Variants in SANBR observed in about 807,000 individuals in gnomAD.
SANBR encodes SANT and BTB domain regulator of CSR, also known as SANT and BTB domain regulator of class switch recombination.
Under a neutral mutation model 101.8 loss-of-function variants are expected in SANBR, and 77 were observed. The ratio of observed to expected loss-of-function variants is 0.76; its 90% CI spans 0.63 to 0.91. The LOEUF (loss-of-function observed/expected upper bound fraction) is 0.91. SANBR is among the 40% of genes least tolerant of loss of function. The probability of loss-of-function intolerance (pLI) is 0.00; values close to 1 mark genes in which losing one functional copy is unlikely to be tolerated. For missense variants in SANBR, 875 were observed against 853.0 expected, an observed-to-expected ratio of 1.03 and a Z score of -0.32; for synonymous variants, 279 against 274.7, an observed-to-expected ratio of 1.02 and a Z score of -0.15.
At chr2:61,111,120 G>A (rs571616046) in intron 16 of SANBR, among the ~76,000 whole-genome samples, 2 of 152,090 alleles carry the variant, frequency 1.3e-5, no homozygotes, top group African/African-American at 2.4e-5. Flanking sequence ...GCAGCCAGGC[G>A]CAGTGGCTCA....
intron 7 of SANBR, 32 bp downstream of exon 7, chr2:61,081,542 T>C: frequency 6.7e-7 from 1 of 1,502,984 alleles, no homozygotes; most frequent in Non-Finnish European, 8.8e-7. Context: ...ATCAAAGTGC[T>C]TCTGTTCACT....
At chr2:61,072,619 A>G (rs1341082848) in intron 4 of SANBR, among the ~76,000 whole-genome samples, 1 of 152,096 alleles carries the variant, frequency 6.6e-6, no homozygotes, top group African/African-American at 2.4e-5. Flanking sequence ...TTTAAATGCT[A>G]AAATATAGGT....
chr2:61,118,762 A>G (rs1014269131), intron 20 of SANBR, among the ~76,000 whole-genome samples: 1 of 151,796 alleles, frequency 6.6e-6, no homozygotes, highest in Non-Finnish European at 1.5e-5. Flanking sequence ...GGGTTTCACC[A>G]TGTTGGCCAG....
At chr2:61,131,290 G>T (rs1359700646) in intron 20 of SANBR, among the ~76,000 whole-genome samples, 1 of 152,090 alleles carries the variant, frequency 6.6e-6, no homozygotes, top group Non-Finnish European at 1.5e-5. Context: ...GATCCTGTAT[G>T]CAGGAAATTC....
chr2:61,135,410 T>C (rs919468724), intron 21 of SANBR, among the ~76,000 whole-genome samples: 8 of 152,200 alleles, frequency 5.3e-5, no homozygotes, highest in Non-Finnish European at 1.5e-5. Flanking sequence ...CTGAGTACTT[T>C]TAAATGACAT....
intron 20 of SANBR, among the ~76,000 whole-genome samples, chr2:61,133,465 A>T (rs1348163675): frequency 6.6e-6 from 1 of 150,914 alleles, no homozygotes; most frequent in African/African-American, 2.4e-5. Context: ...TTCAATAAAA[A>T]ATGAAGGCTG....
At chr2:61,072,733 T>C (rs1681540067) in intron 4 of SANBR, among the ~76,000 whole-genome samples, 1 of 151,734 alleles carries the variant, frequency 6.6e-6, no homozygotes. Context: ...CTACGAATAT[T>C]CTTTTACTTT....
chr2:61,071,880 T>A, intron 4 of SANBR, 88 bp downstream of exon 4: 1 of 785,298 alleles, frequency 1.3e-6, no homozygotes, highest in Non-Finnish European at 2.1e-6. Context: ...TTTCTTTGTT[T>A]AAAGGCTAAT....
chr2:61,081,545 T>G (rs778025300), intron 7 of SANBR, 35 bp downstream of exon 7: 1 of 1,495,122 alleles, frequency 6.7e-7, no homozygotes, highest in Non-Finnish European at 8.9e-7. Context: ...AAAGTGCTTC[T>G]GTTCACTTAT....
rs756138624 is a variant in SANBR, at chr2:61,076,988, A to T, written c.500A>T (p.Asp167Val). 2.0e-5 allele frequency: 32 copies of T among 1,614,064 alleles called. No individual in the cohort carries two copies. The Admixed American group carries it at 5.3e-4, about 27-fold the overall frequency. Residue 167 changes from aspartate to valine, a missense_variant, in exon 6 of 22, where the codon GAT becomes GTT. Asp to Val is a radical substitution (Grantham distance 152, BLOSUM62 -3). Coordinates refer to ENST00000402291, the MANE Select transcript of SANBR (RefSeq NM_001129993.3). The stretch of plus-strand genomic sequence containing the variant: ...AAAGAAGATTTTACTTGCCCGCGAG[A>T]TCTTTTGATATCAGAAATGAAGTAC... ...NLKEDFTCPR[D>V]LLISEMKYFA... is the part of the protein sequence containing the mutation.
chr2:61,082,463 G>C (rs1463023623), intron 7 of SANBR, among the ~76,000 whole-genome samples: 1 of 152,110 alleles, frequency 6.6e-6, no homozygotes, highest in African/African-American at 2.4e-5. Flanking sequence ...AGAAAATTCG[G>C]AATTGACTGA....
chr2:61,117,346 CT>C lies in SANBR; in HGVS notation c.1837-3del, dbSNP rs754110263. On this transcript the variant is annotated splice_polypyrimidine_tract_variant and intron_variant, in intron 17 of 21. Coordinates refer to ENST00000402291, the MANE Select transcript of SANBR (RefSeq NM_001129993.3). ...TCTAATTGGGCCTTAATGTTGTCTA[CT>C]TTTTTTTAGTCAGCTTCTAGAGATG... 13 of 1,610,150 alleles carry C rather than the reference CT, an allele frequency of 8.1e-6. No individual in the cohort carries two copies. Among genetic ancestry groups the C allele is most frequent in the Admixed American group, 1.7e-5 (1 of 59,958 alleles).
chr2:61,091,645 C>G, intron 10 of SANBR, among the ~76,000 whole-genome samples: 1 of 150,376 alleles, frequency 6.6e-6, no homozygotes, highest in Non-Finnish European at 1.5e-5. Context: ...CCTGTAATCC[C>G]AGGTACTCAG....
At chr2:61,134,693 C>G (rs987965048) in intron 21 of SANBR, among the ~76,000 whole-genome samples, 2 of 151,992 alleles carry the variant, frequency 1.3e-5, no homozygotes, top group East Asian at 3.9e-4. Flanking sequence ...AGGATTGAGA[C>G]CATCCTGGCC....
At chr2:61,115,394 A>T (rs899798366) in intron 16 of SANBR, among the ~76,000 whole-genome samples, 1 of 151,324 alleles carries the variant, frequency 6.6e-6, no homozygotes, top group Non-Finnish European at 1.5e-5. Context: ...CTGAAATGGC[A>T]CAATCTCGGC....
In SANBR at chr2:61,106,629, A is replaced by G. The variant is rs763609673; in HGVS notation, c.1578A>G (p.Thr526=). ...GTGATGTTTTACTGGAGCCAAATAC[A>G]CCATGGGGTCCCAAAACTGGGGAGC... ...IECDVLLEPN[T]PWGPKTGELN... The change falls in exon 14 of 22, where the codon ACA becomes ACG. Residue 526 remains threonine, a synonymous_variant. Transcript: ENST00000402291. The G allele has an allele frequency of 6.3e-6, 10 of 1,598,618 alleles. No homozygotes were observed. The highest frequency in any genetic ancestry group is 8.5e-6 in the Non-Finnish European group (10 of 1,175,172).
chr2:61,080,369 G>A (rs552264885), intron 6 of SANBR, among the ~76,000 whole-genome samples: 41 of 152,162 alleles, frequency 2.7e-4, no homozygotes, highest in Non-Finnish European at 4.4e-4. Flanking sequence ...CTGGAATGGG[G>A]TACATTACCA....
At chr2:61,077,203 C>T in intron 6 of SANBR, 45 bp downstream of exon 6, 1 of 1,376,730 alleles carries the variant, frequency 7.3e-7, no homozygotes, top group Non-Finnish European at 1.0e-6. Context: ...ATTTGTGTGT[C>T]ACCTGGTAGT....
At chr2:61,076,160 AT>A (rs1681760578) in intron 5 of SANBR, among the ~76,000 whole-genome samples, 3 of 151,034 alleles carry the variant, frequency 2.0e-5, no homozygotes, top group Admixed American at 6.6e-5. Context: ...TGGCCAGCTA[AT>A]TTTTTGTATT....
Sources: allele counts gnomAD v4.1 joint callset (sites outside exome capture counted in the v4.1 genomes callset), GRCh38; gene constraint gnomAD v4.1.1; transcripts MANE v1.5; gene names NCBI Gene and HGNC (gene_info 2026-07-23, HGNC 2026-07-21).